The following EFHB variants were observed in gnomAD, a reference collection of about 807,000 sequenced individuals.
EFHB encodes the protein EF-hand domain family member B.
Under a neutral mutation model 87.2 loss-of-function variants are expected in EFHB, and 91 were observed. The ratio of observed to expected loss-of-function variants is 1.04; its 90% CI spans 0.88 to 1.24. The LOEUF (loss-of-function observed/expected upper bound fraction) is 1.24. EFHB is among the 50% of genes most tolerant of loss of function. The pLI, the probability that EFHB is intolerant of heterozygous loss-of-function variation, is 0.00. For missense variants in EFHB, 1,084 were observed against 998.8 expected, an observed-to-expected ratio of 1.09 and a Z score of -1.15; for synonymous variants, 325 against 333.6, an observed-to-expected ratio of 0.97 and a Z score of 0.28.
chr3:19,896,548 C>T (rs1371566795), intron 9 of EFHB, 139 bp downstream of exon 9: 2 of 1,114,038 alleles, frequency 1.8e-6, no homozygotes, highest in African/African-American at 3.1e-5. Flanking sequence ...TGATTGTGTT[C>T]CAGTAAAACT....
chr3:19,937,336 T>G (rs762147181), upstream of EFHB, among the ~76,000 whole-genome samples: 23 of 152,214 alleles, frequency 1.5e-4, no homozygotes, highest in South Asian at 2.1e-4. Context: ...TCCTTCCACA[T>G]GCACATGTTC....
In EFHB at chr3:19,905,737, T is replaced by G. The variant is rs1694821911; in HGVS notation, c.1301A>C (p.Asn434Thr). The G allele has an allele frequency of 3.7e-6, 6 of 1,608,780 alleles. No individual in the cohort carries two copies. The highest frequency in any genetic ancestry group is 5.1e-6 in the Non-Finnish European group (6 of 1,176,418). The change falls in exon 6 of 13, where the codon AAC becomes ACC. Residue 434 changes from asparagine to threonine, a missense_variant. By Grantham distance (65) the Asn-to-Thr change is moderately conservative. Transcript: ENST00000295824. Reference protein sequence around the residue: ...HNDYYAGEAKNRKYNPSSFHR... With the variant: ...HNDYYAGEAKTRKYNPSSFHR... ...GAAACTTGATGGGTTATACTTTCGG[T>G]TCTTTGCCTCTCCTGTGGAAAAAGA...
At chr3:19,919,704 A>G in intron 3 of EFHB, 129 bp downstream of exon 3, 1 of 941,662 alleles carries the variant, frequency 1.1e-6, no homozygotes, top group South Asian at 1.8e-5. Flanking sequence ...TGGAAGACAG[A>G]TTGAGAAAAG....
chr3:19,906,566 A>T (rs765888216), intron 5 of EFHB, among the ~76,000 whole-genome samples: 3 of 152,204 alleles, frequency 2.0e-5, no homozygotes, highest in Non-Finnish European at 4.4e-5. Context: ...GGACACAAAT[A>T]AAATGAAGAT....
chr3:19,923,131 G>A (rs1695495029), intron 1 of EFHB, among the ~76,000 whole-genome samples: 1 of 152,090 alleles, frequency 6.6e-6, no homozygotes. Flanking sequence ...GCCAGGCATG[G>A]TGGCGCATGC....
At chr3:19,894,896 A>C (rs1055345151) in intron 9 of EFHB, 1 of 151,614 alleles carries the variant, frequency 6.6e-6, no homozygotes, top group Non-Finnish European at 1.5e-5. Flanking sequence ...AGGCAGGAGA[A>C]TCGCTTGAAC....
chr3:19,942,296 A>T (rs1251635889), intron 1 of EFHB: 2 of 153,364 alleles, frequency 1.3e-5, no homozygotes, highest in African/African-American at 4.8e-5. Context: ...CATTGAGATA[A>T]GCAATAGTTC....
chr3:19,943,699 C>T (rs1696210500), intron 1 of EFHB, among the ~76,000 whole-genome samples: 1 of 152,142 alleles, frequency 6.6e-6, no homozygotes, highest in African/African-American at 2.4e-5. Flanking sequence ...CACCATTTTA[C>T]ATGAGACTAG....
At chr3:19,896,935 T>C (rs563738333) in intron 8 of EFHB, 94 bp from the exon 9 acceptor site, 2 of 1,143,054 alleles carry the variant, frequency 1.7e-6, no homozygotes, top group African/African-American at 1.6e-5. Flanking sequence ...GCAACCTCTG[T>C]GAATGAAAGA....
At chr3:19,898,960 T>C in intron 7 of EFHB, 115 bp from the exon 8 acceptor site, 1 of 1,000,992 alleles carries the variant, frequency 1.0e-6, no homozygotes, top group African/African-American at 1.6e-5. Flanking sequence ...AACCAAACTA[T>C]GAAGATCAAA....
At chr3:19,897,188 C>G (rs1694518598) in intron 8 of EFHB, among the ~76,000 whole-genome samples, 1 of 152,238 alleles carries the variant, frequency 6.6e-6, no homozygotes. Context: ...TGCTGAGGAT[C>G]TGAAAGCTAG....
intron 11 of EFHB, among the ~76,000 whole-genome samples, 195 bp from the exon 12 acceptor site, chr3:19,882,926 AATG>A (rs1479283718): frequency 2.0e-5 from 3 of 152,206 alleles, no homozygotes; most frequent in Non-Finnish European, 2.9e-5. Context: ...TAGTTATTGA[AATG>A]ATAATATTTT....
intron 1 of EFHB, chr3:19,945,776 G>A (rs1446178485): frequency 6.6e-6 from 1 of 152,156 alleles, no homozygotes; most frequent in Non-Finnish European, 1.5e-5. Context: ...CTGGCAACTA[G>A]GTAGTTGATC....
rs1361231389 is a variant in EFHB, at chr3:19,879,822, A to T, written c.2329-18T>A. ...TCTGCAATCTAGAAAAAGGCATTTA[A>T]AATAGACCATGATTTATATGTTTTA... On this transcript the variant is annotated intron_variant, in intron 12 of 12. Coordinates refer to ENST00000295824, the MANE Select transcript of EFHB (RefSeq NM_144715.4). 3.2e-6 allele frequency: 5 copies of T among 1,559,586 alleles called. No homozygotes were observed. The highest frequency in any genetic ancestry group is 4.3e-6 in the Non-Finnish European group (5 of 1,155,956).
At chr3:19,944,827 T>C (rs757208489) in intron 1 of EFHB, among the ~76,000 whole-genome samples, 6 of 152,222 alleles carry the variant, frequency 3.9e-5, no homozygotes, top group Non-Finnish European at 8.8e-5. Flanking sequence ...AGTTCACCAA[T>C]ACTTTGGGGG....
At chr3:19,928,052 T>G (rs1293112762) in intron 1 of EFHB, among the ~76,000 whole-genome samples, 6 of 151,322 alleles carry the variant, frequency 4.0e-5, no homozygotes, top group Admixed American at 3.3e-4. Flanking sequence ...CTCAATTCTT[T>G]TTATATACTA....
intron 5 of EFHB, among the ~76,000 whole-genome samples, chr3:19,908,554 AAGAGAGAAAGAGAGAGAG>A (rs1694918310): frequency 1.6e-5 from 1 of 60,666 alleles, no homozygotes; most frequent in African/African-American, 7.7e-5. Flanking sequence ...GAAAGAGAGA[AAGAGAGAAAGAGAGAGAG>A]AGAGAGAGAG....
intron 5 of EFHB, among the ~76,000 whole-genome samples, chr3:19,910,781 TAAAGGA>T (rs1695037020): frequency 6.6e-6 from 1 of 152,008 alleles, no homozygotes. Flanking sequence ...TAGGAGAAAG[TAAAGGA>T]AAAGAACATG....
At chr3:19,945,535 G>A (rs1471900742) in intron 1 of EFHB, among the ~76,000 whole-genome samples, 1 of 152,196 alleles carries the variant, frequency 6.6e-6, no homozygotes, top group Non-Finnish European at 1.5e-5. Flanking sequence ...TTCCAAGTCT[G>A]GGTGACTGGG....
Sources: gnomAD v4.1 joint callset for allele counts (sites outside exome capture counted in the v4.1 genomes callset) on GRCh38, gnomAD v4.1.1 for gene constraint, MANE v1.5 for transcripts, NCBI Gene and HGNC (gene_info 2026-07-23, HGNC 2026-07-21) for gene names.